The following BRINP3 variants were observed in gnomAD, a reference collection of about 807,000 sequenced individuals.
BRINP3 encodes BMP/retinoic acid-inducible neural-specific protein 3.
Under a neutral mutation model 71.0 loss-of-function variants are expected in BRINP3, and 19 were observed. The ratio of observed to expected loss-of-function variants is 0.27; its 90% CI spans 0.19 to 0.39. The LOEUF (loss-of-function observed/expected upper bound fraction) is 0.39, where lower values mean the gene tolerates loss of function less well. BRINP3 is among the 10% of genes least tolerant of loss of function. The pLI, the probability that BRINP3 is intolerant of heterozygous loss-of-function variation, is 1.00. For synonymous variants in BRINP3, 380 were observed against 337.7 expected, an observed-to-expected ratio of 1.13 and a Z score of -1.37; for missense variants, 959 against 940.8, an observed-to-expected ratio of 1.02 and a Z score of -0.25.
chr1:190,414,635 T>C (rs1398471727), intron 2 of BRINP3, among the ~76,000 whole-genome samples: 1 of 152,218 alleles, frequency 6.6e-6, no homozygotes, highest in Non-Finnish European at 1.5e-5. Context: ...ATACTCCCAG[T>C]TGAGTCTTTG....
At position 190,339,005 on chromosome 1, in the gene BRINP3, AAAATAAATAAAT is replaced by A. The variant is rs144106726; in HGVS notation, c.237-57267_237-57256del. On this transcript the variant is annotated intron_variant, in intron 2 of 7. Transcript: ENST00000367462. ...GCAGAGTATAGCTGATTGCAAATGC[AAAATAAATAAAT>A]AAATAAATAAATAAATAAATAAATA... Among the ~76,000 whole-genome samples the A allele has an allele frequency of 8.0e-3, 1,144 of 143,830 alleles. 10 individuals carry two copies. The highest frequency in any genetic ancestry group is 0.021 in the African/African-American group (814 of 39,106). 94.4% of individuals were successfully genotyped at this position (143,830 alleles called of 152,430 possible).
intron 2 of BRINP3, among the ~76,000 whole-genome samples, chr1:190,428,447 A>AT (rs1197532216): frequency 6.6e-6 from 1 of 151,638 alleles, no homozygotes; most frequent in East Asian, 1.9e-4. Context: ...AAAAACTCGT[A>AT]TTTTTTTCTA....
At chr1:190,349,660 T>A (rs905651937) in intron 2 of BRINP3, among the ~76,000 whole-genome samples, 1 of 152,096 alleles carries the variant, frequency 6.6e-6, no homozygotes, top group Non-Finnish European at 1.5e-5. Flanking sequence ...AGTTTTGAAT[T>A]AACACTTTGC....
chr1:190,212,859 G>C (rs1295492235), intron 6 of BRINP3, among the ~76,000 whole-genome samples: 4 of 152,100 alleles, frequency 2.6e-5, no homozygotes, highest in African/African-American at 9.6e-5. Context: ...CCTGTGGTGG[G>C]CACGTAATGT....
At chr1:190,158,212 T>A (rs1464002602) in intron 7 of BRINP3, among the ~76,000 whole-genome samples, 3 of 152,040 alleles carry the variant, frequency 2.0e-5, no homozygotes, top group African/African-American at 7.2e-5. Flanking sequence ...GTTTTAAAAA[T>A]GGGAGTTTCC....
At chr1:190,298,004 A>T (rs1664384798) in intron 2 of BRINP3, among the ~76,000 whole-genome samples, 2 of 152,130 alleles carry the variant, frequency 1.3e-5, no homozygotes, top group African/African-American at 4.8e-5. Flanking sequence ...AGTTTTTAAA[A>T]TTGCAACCAC....
At chr1:190,453,048 A>AAATCT (rs1023233596) in intron 2 of BRINP3, among the ~76,000 whole-genome samples, 1 of 151,972 alleles carries the variant, frequency 6.6e-6, no homozygotes, top group Non-Finnish European at 1.5e-5. Flanking sequence ...CAGAGTGCTA[A>AAATCT]AATCTAACAC....
intron 2 of BRINP3, among the ~76,000 whole-genome samples, chr1:190,453,425 T>G (rs942028959): frequency 4.0e-5 from 6 of 151,334 alleles, no homozygotes; most frequent in Admixed American, 4.0e-4. Context: ...TTCACCATGT[T>G]GGAAGATGGT....
At chr1:190,165,801 G>A (rs1422989269) in intron 6 of BRINP3, among the ~76,000 whole-genome samples, 1 of 152,024 alleles carries the variant, frequency 6.6e-6, no homozygotes, top group Non-Finnish European at 1.5e-5. Context: ...AAGTGGGAAT[G>A]TGAGTGAGAA....
intron 6 of BRINP3, among the ~76,000 whole-genome samples, chr1:190,181,607 G>A (rs1041902961): frequency 1.3e-5 from 2 of 151,848 alleles, no homozygotes; most frequent in African/African-American, 4.8e-5. Context: ...AACTTATCAT[G>A]GTGGACTAGT....
At chr1:190,308,256 A>G (rs746352644) in intron 2 of BRINP3, among the ~76,000 whole-genome samples, 1 of 151,950 alleles carries the variant, frequency 6.6e-6, no homozygotes, top group Non-Finnish European at 1.5e-5. Context: ...GCTTTTGAGA[A>G]GACATAAGAA....
intron 3 of BRINP3, 116 bp from the exon 4 acceptor site, chr1:190,265,171 G>A (rs1661547159): frequency 1.1e-6 from 1 of 873,120 alleles, no homozygotes; most frequent in Non-Finnish European, 1.7e-6. Flanking sequence ...AGTGATATAT[G>A]CCAAAAGGGC....
At chr1:190,162,801 AT>A (rs1348313807) in intron 6 of BRINP3, among the ~76,000 whole-genome samples, 1 of 152,150 alleles carries the variant, frequency 6.6e-6, no homozygotes, top group East Asian at 1.9e-4. Context: ...GCAGCTGAAA[AT>A]TGCCAGTATG....
chr1:190,328,303 C>T lies in BRINP3; in HGVS notation c.237-46553G>A, dbSNP rs567173628. Among the ~76,000 whole-genome samples the T allele has an allele frequency of 4.5e-4, 69 of 152,118 alleles. 1 individual carries two copies. In the South Asian group the frequency reaches 0.014, roughly 31 times the overall value. Reference sequence around the variant, plus strand: ...TGAAAGGATAAGCAACATAAACAGACCACAAGCTAGATTAGCAAAGAAAAA... The same window carrying T: ...TGAAAGGATAAGCAACATAAACAGATCACAAGCTAGATTAGCAAAGAAAAA... On this transcript the variant is annotated intron_variant, in intron 2 of 7. Coordinates refer to ENST00000367462, the MANE Select transcript of BRINP3 (RefSeq NM_199051.3).
At chr1:190,349,372 G>C (rs1001393794) in intron 2 of BRINP3, among the ~76,000 whole-genome samples, 1 of 152,036 alleles carries the variant, frequency 6.6e-6, no homozygotes, top group African/African-American at 2.4e-5. Context: ...AGTGAAGAAG[G>C]AGAAACAGGA....
chr1:190,178,444 G>A (rs2102525875), intron 6 of BRINP3, among the ~76,000 whole-genome samples: 1 of 152,126 alleles, frequency 6.6e-6, no homozygotes, highest in South Asian at 2.1e-4. Context: ...GTATAAGCTG[G>A]TTGTAATGCC....
At chr1:190,298,772 T>C (rs1354718702) in intron 2 of BRINP3, among the ~76,000 whole-genome samples, 3 of 152,132 alleles carry the variant, frequency 2.0e-5, no homozygotes, top group Admixed American at 6.6e-5. Flanking sequence ...GCCCTGAAAA[T>C]GTCTGTGCAT....
At chr1:190,470,674 A>G (rs989419032) in intron 1 of BRINP3, among the ~76,000 whole-genome samples, 1 of 151,172 alleles carries the variant, frequency 6.6e-6, no homozygotes, top group Admixed American at 6.6e-5. Context: ...AATCTATAAG[A>G]TTTCTCAGTT....
At chr1:190,139,883 C>T (rs536509805) in intron 7 of BRINP3, among the ~76,000 whole-genome samples, 9 of 152,166 alleles carry the variant, frequency 5.9e-5, no homozygotes, top group South Asian at 2.1e-4. Context: ...AGGGGCTACC[C>T]CATGAGTAAA....
Sources: allele counts gnomAD v4.1 joint callset (sites outside exome capture counted in the v4.1 genomes callset), GRCh38; gene constraint gnomAD v4.1.1; transcripts MANE v1.5; gene names NCBI Gene and HGNC (gene_info 2026-07-23, HGNC 2026-07-21).